GPHB5: variants seen among roughly 807,000 people sequenced by gnomAD.
GPHB5 encodes the protein glycoprotein hormone beta-5.
In GPHB5, 7 loss-of-function variants were observed where a neutral mutation model predicts 10.1. The ratio of observed to expected loss-of-function variants is 0.69; its 90% CI spans 0.39 to 1.30. The LOEUF (loss-of-function observed/expected upper bound fraction) is 1.30, where lower values mean the gene tolerates loss of function less well. GPHB5 is among the 50% of genes most tolerant of loss of function. GPHB5 has a pLI of 0.01. For missense variants in GPHB5, 161 were observed against 169.8 expected, an observed-to-expected ratio of 0.95 and a Z score of 0.29; for synonymous variants, 68 against 70.1, an observed-to-expected ratio of 0.97 and a Z score of 0.15.
chr14:63,314,031 T>C (rs1594786426), intron 2 of GPHB5, among the ~76,000 whole-genome samples: 2 of 152,334 alleles, frequency 1.3e-5, no homozygotes, highest in Non-Finnish European at 2.9e-5. Context: ...CAATAACTAT[T>C]TGTCATTGAA....
intron 2 of GPHB5, among the ~76,000 whole-genome samples, chr14:63,314,977 A>T (rs113077871): frequency 0.018 from 2,510 of 141,196 alleles, 81 homozygotes; most frequent in African/African-American, 0.062. Flanking sequence ...ATCTTGGCTC[A>T]CTGTAACCTC....
chr14:63,318,649 G>T (rs912376046), intron 1 of GPHB5, among the ~76,000 whole-genome samples, 175 bp downstream of exon 1: 1 of 152,122 alleles, frequency 6.6e-6, no homozygotes, highest in Non-Finnish European at 1.5e-5. Context: ...CTTCATGCTT[G>T]GCCCACTAGA....
chr14:63,313,195 T>A, intron 2 of GPHB5, 79 bp from the exon 3 acceptor site: 1 of 1,221,730 alleles, frequency 8.2e-7, no homozygotes, highest in Non-Finnish European at 1.1e-6. Context: ...TTTATCACTA[T>A]CAGAAATTAA....
At chr14:63,316,191 G>A (rs1296428354) in intron 2 of GPHB5, among the ~76,000 whole-genome samples, 4 of 152,344 alleles carry the variant, frequency 2.6e-5, no homozygotes, top group East Asian at 3.9e-4. Context: ...CTTTGATAGA[G>A]TAGTTTCATC....
chr14:63,316,466 G>A (rs915131784), intron 2 of GPHB5, among the ~76,000 whole-genome samples: 2 of 152,186 alleles, frequency 1.3e-5, no homozygotes, highest in South Asian at 2.1e-4. Context: ...AGCTGTGAAG[G>A]TTATAAGAAT....
Position 63,317,832 on chromosome 14 carries a change from G to C in GPHB5, c.18C>G (p.Leu6=). The C allele has an allele frequency of 6.2e-7, 1 of 1,614,078 alleles. No homozygotes were observed. Among genetic ancestry groups the C allele is most frequent in the Non-Finnish European group, 8.5e-7 (1 of 1,179,900 alleles). Residue 6 remains leucine (L), a synonymous_variant, in exon 2 of 3, where the codon CTC becomes CTG. Transcript: ENST00000621500. ...GGAGGAGGGCCATGGGGCCAAGGAA[G>C]AGGAATGCCAGCTTCATGCTGCTCT... MKLAF[L]FLGPMALLLL... is the part of the protein sequence containing the mutation.
At chr14:63,318,740 G>A (rs1036702458) in intron 1 of GPHB5, 84 bp downstream of exon 1, 23 of 152,312 alleles carry the variant, frequency 1.5e-4, no homozygotes, top group African/African-American at 5.5e-4. Context: ...TATTCTCACA[G>A]TTCCTACTTC....
intron 2 of GPHB5, among the ~76,000 whole-genome samples, chr14:63,316,586 G>A (rs1013006577): frequency 6.6e-6 from 1 of 152,136 alleles, no homozygotes. Context: ...GGCCCAGAAA[G>A]GGAGCTGGCA....
At chr14:63,317,258 G>C (rs1486746702) in intron 2 of GPHB5, among the ~76,000 whole-genome samples, 1 of 152,088 alleles carries the variant, frequency 6.6e-6, no homozygotes, top group Non-Finnish European at 1.5e-5. Context: ...GGAGGAGTTT[G>C]GGTCACAAGC....
chr14:63,317,086 C>G (rs1395324006), intron 2 of GPHB5, among the ~76,000 whole-genome samples: 2 of 152,088 alleles, frequency 1.3e-5, no homozygotes, highest in South Asian at 4.1e-4. Flanking sequence ...TTAATGGATC[C>G]GTCAGTGATA....
At position 63,317,768 on chromosome 14, in the gene GPHB5, C is replaced by G; in HGVS notation, c.82G>C (p.Gly28Arg). 6.2e-7 allele frequency: 1 copy of G among 1,614,046 alleles called. No homozygotes were observed. The highest frequency in any genetic ancestry group is 8.5e-7 in the Non-Finnish European group (1 of 1,179,894). The change falls in exon 2 of 3, where the codon GGG becomes CGG. Residue 28 changes from glycine to arginine, a missense_variant. By Grantham distance (125) the Gly-to-Arg change is moderately radical. Transcript: ENST00000621500. ...GYGCVLGASS[G>R]NLRTFVGCAV... ...CAGCCCACAAAGGTGCGCAGGTTCC[C>G]ACTGGAGGCACCGAGGACACAGCCA...
At position 63,318,660 on chromosome 14, in the gene GPHB5, C is replaced by A. The variant is rs10147174; in HGVS notation, c.-2+164G>T. Among the ~76,000 whole-genome samples the A allele has an allele frequency of 8.6e-3, 1,309 of 152,282 alleles. 21 individuals carry two copies. Among genetic ancestry groups the A allele is most frequent in the African/African-American group, 0.029 (1,214 of 41,548 alleles). On this transcript the variant is annotated intron_variant, in intron 1 of 2. Transcript: ENST00000621500. Reference sequence around the variant, plus strand: ...CCCCCTTCATGCTTGGCCCACTAGACAGAACTCACGTGGATTTTGAAGTAT... The same window carrying A: ...CCCCCTTCATGCTTGGCCCACTAGAAAGAACTCACGTGGATTTTGAAGTAT...
At chr14:63,315,072 T>C (rs1274059814) in intron 2 of GPHB5, among the ~76,000 whole-genome samples, 1 of 151,928 alleles carries the variant, frequency 6.6e-6, no homozygotes, top group Non-Finnish European at 1.5e-5. Context: ...CCGGCTAATT[T>C]TTGTATTTTT....
At position 63,312,993 on chromosome 14, in the gene GPHB5, G is replaced by C; in HGVS notation, c.328C>G (p.Pro110Ala). Residue 110 changes from proline (P) to alanine (A), a missense_variant, in exon 3 of 3, where the codon CCC becomes GCC. Physicochemically the swap from Pro to Ala is conservative, Grantham distance 27. Transcript: ENST00000621500. ...APGVDPFYTY[P>A]VAIRCDCGAC... ...CCGCAGTCACAGCGGATGGCCACGGGATAGGTGTAGAAGGGGTCGACTCCC... is the reference window on the plus strand; with the variant it reads ...CCGCAGTCACAGCGGATGGCCACGGCATAGGTGTAGAAGGGGTCGACTCCC... The C allele has an allele frequency of 6.4e-7, 1 of 1,571,456 alleles. No homozygotes were observed. The highest frequency in any genetic ancestry group is 8.6e-7 in the Non-Finnish European group (1 of 1,157,944).
chr14:63,313,182 T>A (rs1882703581), intron 2 of GPHB5, 66 bp from the exon 3 acceptor site: 1 of 1,301,788 alleles, frequency 7.7e-7, no homozygotes, highest in African/African-American at 1.5e-5. Flanking sequence ...TTTTTTAGTA[T>A]CATTTATCAC....
At chr14:63,315,878 C>G (rs959974753) in intron 2 of GPHB5, among the ~76,000 whole-genome samples, 1 of 152,202 alleles carries the variant, frequency 6.6e-6, no homozygotes, top group Non-Finnish European at 1.5e-5. Flanking sequence ...GAGCACAGTT[C>G]CTGACCTCCT....
intron 2 of GPHB5, among the ~76,000 whole-genome samples, chr14:63,314,887 C>CT (rs1182914202): frequency 7.7e-5 from 11 of 143,498 alleles, no homozygotes; most frequent in South Asian, 6.6e-4. Flanking sequence ...GCAGCCTTAC[C>CT]TTTTTTTTTT....
chr14:63,318,310 G>C (rs955743572), intron 1 of GPHB5, among the ~76,000 whole-genome samples: 4 of 152,170 alleles, frequency 2.6e-5, no homozygotes, highest in African/African-American at 9.7e-5. Context: ...TGTCATGATG[G>C]GGAATGATTT....
intron 2 of GPHB5, among the ~76,000 whole-genome samples, 187 bp from the exon 3 acceptor site, chr14:63,313,303 G>C (rs115732439): frequency 1.3e-5 from 2 of 152,286 alleles, no homozygotes; most frequent in African/African-American, 4.8e-5. Flanking sequence ...CATATTCTAA[G>C]CTCCCAGGAG....
Sources: allele counts gnomAD v4.1 joint callset (sites outside exome capture counted in the v4.1 genomes callset), GRCh38; gene constraint gnomAD v4.1.1; transcripts MANE v1.5; gene names NCBI Gene and HGNC (gene_info 2026-07-23, HGNC 2026-07-21).